Variants in SRRM4 observed in about 807,000 individuals in gnomAD.
SRRM4 encodes serine/arginine repetitive matrix 4.
A neutral mutation model predicts 68.9 loss-of-function variants in SRRM4; 33 were observed. The observed-to-expected ratio is 0.48, with a 90% CI of 0.36 to 0.64. The LOEUF (loss-of-function observed/expected upper bound fraction) is 0.64, where lower values mean the gene tolerates loss of function less well. Among genes scored for constraint, SRRM4 ranks in the 30% least tolerant of loss-of-function variants. SRRM4 has a pLI of 0.00. For missense variants in SRRM4, 817 were observed against 827.1 expected (o/e 0.99, Z 0.15); for synonymous variants, 318 against 318.8 (o/e 1.00, Z 0.03).
At chr12:119,102,548 A>G (rs1342577754) in intron 2 of SRRM4, among the ~76,000 whole-genome samples, 166 bp downstream of exon 2, 3 of 152,202 alleles carry the variant, frequency 2.0e-5, no homozygotes. Context: ...AAGTTTGTAG[A>G]CCCAGTGGTT....
intron 8 of SRRM4, among the ~76,000 whole-genome samples, chr12:119,132,101 T>C (rs1954301873): frequency 6.6e-6 from 1 of 152,184 alleles, no homozygotes; most frequent in Non-Finnish European, 1.5e-5. Context: ...CCTGGAACCA[T>C]CTGCAACTGT....
chr12:119,073,810 A>G (rs1219342322), intron 1 of SRRM4, among the ~76,000 whole-genome samples: 1 of 151,662 alleles, frequency 6.6e-6, no homozygotes, highest in Non-Finnish European at 1.5e-5. Flanking sequence ...TAATAGATAA[A>G]TAGACATAGG....
intron 1 of SRRM4, among the ~76,000 whole-genome samples, chr12:119,098,846 A>G (rs1338414900): frequency 6.6e-6 from 1 of 152,138 alleles, no homozygotes; most frequent in African/African-American, 2.4e-5. Context: ...TACTTTCAAA[A>G]TTTCTTAGAA....
chr12:119,114,660 C>CTTTTTTTT (rs68020424), intron 3 of SRRM4, among the ~76,000 whole-genome samples: 3 of 101,388 alleles, frequency 3.0e-5, no homozygotes, highest in East Asian at 3.2e-4. Context: ...GAAGCATAGT[C>CTTTTTTTT]TTTTTTTTTT....
Position 118,982,011 on chromosome 12 carries a change from A to G in SRRM4, c.129A>G (p.Pro43=). 1 of 1,608,888 alleles carries G rather than the reference A, an allele frequency of 6.2e-7. No individual in the cohort carries two copies. Among genetic ancestry groups the G allele is most frequent in the African/African-American group, 1.3e-5 (1 of 74,912 alleles). ...GTATCACGGCCCGCAAGCCGCTGCC[A>G]AGGTAATGATCTCCTTCTTAGAAGG... ...VASITARKPL[P]RTEPQNNPVV... is the part of the protein sequence containing the mutation. Residue 43 remains proline, a splice_region_variant and synonymous_variant, in exon 1 of 13, where the codon CCA becomes CCG. Transcript: ENST00000267260.
rs1954211924 is a variant in SRRM4 at position 119,120,400 on chromosome 12, G to A, written c.464+124G>A. ...AGGCATGACCCCTTCATCTTCCTGGGCCTCAGTTTCCTCCAAAATGAAGGT... is the reference window on the plus strand; with the variant it reads ...AGGCATGACCCCTTCATCTTCCTGGACCTCAGTTTCCTCCAAAATGAAGGT... On this transcript the variant is annotated intron_variant, in intron 5 of 12. Transcript: ENST00000267260. The A allele has an allele frequency of 5.8e-6, 6 of 1,027,108 alleles. No individual in the cohort carries two copies. The Admixed American group carries it at 1.7e-4, about 29-fold the overall frequency. 63.6% of individuals were successfully genotyped at this position (1,027,108 alleles called of 1,614,324 possible).
At chr12:119,144,055 G>A (rs541219307) in intron 8 of SRRM4, among the ~76,000 whole-genome samples, 46 of 152,134 alleles carry the variant, frequency 3.0e-4, no homozygotes, top group Non-Finnish European at 5.4e-4. Context: ...ACGCGTGCCC[G>A]CCTTCCCAAG....
intron 1 of SRRM4, 127 bp downstream of exon 1, chr12:118,982,140 G>A: frequency 4.2e-6 from 5 of 1,202,786 alleles, no homozygotes; most frequent in Non-Finnish European, 5.7e-6. Context: ...ACTACTCGGC[G>A]GCTCCCGCTG....
At chr12:119,028,761 G>A (rs1371087076) in intron 1 of SRRM4, among the ~76,000 whole-genome samples, 1 of 152,170 alleles carries the variant, frequency 6.6e-6, no homozygotes, top group African/African-American at 2.4e-5. Flanking sequence ...CCACAAATTC[G>A]GGAGGAGAGA....
In SRRM4 at chr12:119,087,664, C is replaced by T. The variant is rs577677316; in HGVS notation, c.132-14572C>T. Among the ~76,000 whole-genome samples, 12 of 152,158 alleles carry T rather than the reference C, an allele frequency of 7.9e-5. No individual in the cohort carries two copies. The East Asian group carries it at 2.1e-3, about 27-fold the overall frequency. ...GACTGTGCAGACAGCAGCCTGGGAACTGGGCATAGGAGAGGAAATAGGGAG... is the reference window on the plus strand; with the variant it reads ...GACTGTGCAGACAGCAGCCTGGGAATTGGGCATAGGAGAGGAAATAGGGAG... On this transcript the variant is annotated intron_variant, in intron 1 of 12. Coordinates refer to ENST00000267260, the MANE Select transcript of SRRM4 (RefSeq NM_194286.4).
At chr12:118,992,781 A>G (rs2135989988) in intron 1 of SRRM4, among the ~76,000 whole-genome samples, 1 of 152,282 alleles carries the variant, frequency 6.6e-6, no homozygotes. Context: ...CATTTGATAG[A>G]TGGGGAGACT....
chr12:119,023,493 G>A (rs371078496), intron 1 of SRRM4, among the ~76,000 whole-genome samples: 5 of 152,302 alleles, frequency 3.3e-5, no homozygotes, highest in South Asian at 4.1e-4. Flanking sequence ...GAAAGAGGTT[G>A]CAGGTCTCCA....
intron 1 of SRRM4, among the ~76,000 whole-genome samples, chr12:119,052,863 T>C (rs1432143510): frequency 2.0e-5 from 3 of 152,128 alleles, no homozygotes; most frequent in Admixed American, 1.3e-4. Context: ...AGAGAGGACG[T>C]GGTGTGGCAT....
At chr12:119,096,249 G>A (rs1447343147) in intron 1 of SRRM4, among the ~76,000 whole-genome samples, 1 of 150,568 alleles carries the variant, frequency 6.6e-6, no homozygotes, top group African/African-American at 2.4e-5. Context: ...AGCCAGGATG[G>A]TCTCAATCTT....
In SRRM4 at chr12:119,153,611, C is replaced by T; in HGVS notation, c.1353C>T (p.Ser451=). 6.4e-7 allele frequency: 1 copy of T among 1,567,892 alleles called. No homozygotes were observed. The highest frequency in any genetic ancestry group is 1.2e-5 in the South Asian group (1 of 85,004). The change falls in exon 11 of 13, where the codon TCC becomes TCT. Residue 451 remains serine (S), a synonymous_variant. Transcript: ENST00000267260. ...KRSPPSRSSR[S]RRSPSYSRYS... ...GCCCGCCCAGCAGAAGCTCTAGGTC[C>T]CGCCGCAGCCCTAGCTACTCCCGCT...
chr12:119,141,396 A>G (rs560070930), intron 8 of SRRM4, among the ~76,000 whole-genome samples: 7 of 152,338 alleles, frequency 4.6e-5, no homozygotes, highest in Non-Finnish European at 5.9e-5. Context: ...CATCTATTAT[A>G]TATCAATAAA....
chr12:118,982,837 T>C (rs1953259204), intron 1 of SRRM4, among the ~76,000 whole-genome samples: 1 of 149,844 alleles, frequency 6.7e-6, no homozygotes, highest in South Asian at 2.1e-4. Context: ...GGAGAGGAGG[T>C]TGGGGGAAAA....
intron 3 of SRRM4, among the ~76,000 whole-genome samples, chr12:119,116,204 G>A (rs1954178807): frequency 6.6e-6 from 1 of 152,168 alleles, no homozygotes; most frequent in Non-Finnish European, 1.5e-5. Context: ...GAGACTTAGA[G>A]ATGAGCCTTG....
At position 119,125,385 on chromosome 12, in the gene SRRM4, C is replaced by T; in HGVS notation, c.520C>T (p.Arg174Ter). ...GTTCCTTCTCATCCCCCCAAGATCT[C>T]GAAGCCGGCCCCGAAAGTCTCACCG... ...RDEKRHKKQS[R>*]SRPRKSHRHR... The change falls in exon 7 of 13, where the codon CGA becomes TGA. Residue 174 changes from arginine (R) to a stop codon, truncating the protein, a stop_gained. Transcript: ENST00000267260. LOFTEE classifies it high-confidence loss of function. The T allele has an allele frequency of 1.2e-6, 2 of 1,612,598 alleles. No homozygotes were observed. The highest frequency in any genetic ancestry group is 8.5e-7 in the Non-Finnish European group (1 of 1,179,234).
Sources: allele counts gnomAD v4.1 joint callset (sites outside exome capture counted in the v4.1 genomes callset), GRCh38; gene constraint gnomAD v4.1.1; transcripts MANE v1.5; gene names NCBI Gene and HGNC (gene_info 2026-07-23, HGNC 2026-07-21).